The following MYO16 variants were observed in gnomAD, a reference collection of about 807,000 sequenced individuals.
MYO16 encodes the protein myosin XVI.
In MYO16, 94 loss-of-function variants were observed where a neutral mutation model predicts 205.3. The ratio of observed to expected loss-of-function variants is 0.46; its 90% CI spans 0.39 to 0.54. The LOEUF is 0.54. Ranked by LOEUF, MYO16 falls within the 20% of genes least tolerant of loss-of-function variation. The pLI is 0.00. For synonymous variants in MYO16, 988 were observed against 954.0 expected, an observed-to-expected ratio of 1.04 and a Z score of -0.66; for missense variants, 2,315 against 2,387.5, an observed-to-expected ratio of 0.97 and a Z score of 0.63.
chr13:109,138,045 G>C (rs1594116477), intron 31 of MYO16, among the ~76,000 whole-genome samples: 1 of 152,296 alleles, frequency 6.6e-6, no homozygotes, highest in East Asian at 1.9e-4. Context: ...CTTTATTCAT[G>C]AATTTATCTC....
At chr13:108,959,372 T>C (rs1272979881) in intron 17 of MYO16, among the ~76,000 whole-genome samples, 2 of 152,186 alleles carry the variant, frequency 1.3e-5, no homozygotes, top group Non-Finnish European at 2.9e-5. Context: ...GCTAGAGATA[T>C]GGATAGAAAC....
chr13:109,145,577 T>C (rs187512127), intron 32 of MYO16, among the ~76,000 whole-genome samples: 180 of 152,354 alleles, frequency 1.2e-3, no homozygotes, highest in African/African-American at 4.0e-3. Context: ...TAATTGTCTG[T>C]TCCATTCTAG....
upstream of MYO16, among the ~76,000 whole-genome samples, chr13:108,626,794 A>G: frequency 6.6e-6 from 1 of 151,334 alleles, no homozygotes; most frequent in Non-Finnish European, 1.5e-5. Flanking sequence ...GACAGAGAGA[A>G]ACTCCATCTC....
intron 16 of MYO16, among the ~76,000 whole-genome samples, chr13:108,917,309 C>T (rs534930073): frequency 4.4e-4 from 67 of 152,230 alleles, no homozygotes; most frequent in African/African-American, 1.4e-3. Context: ...TTGGCTCCTG[C>T]GTAGGGATGG....
At chr13:109,139,577 A>T (rs557518821) in intron 31 of MYO16, among the ~76,000 whole-genome samples, 4 of 152,334 alleles carry the variant, frequency 2.6e-5, no homozygotes, top group Admixed American at 2.0e-4. Context: ...AAGTGGCTTT[A>T]TTCGGCCGGG....
At chr13:108,627,310 G>A (rs1879781042), upstream of MYO16, among the ~76,000 whole-genome samples, 1 of 152,114 alleles carries the variant, frequency 6.6e-6, no homozygotes, top group Non-Finnish European at 1.5e-5. Flanking sequence ...TGTAGATACA[G>A]TTTATACATA....
At chr13:108,871,031 T>C (rs1879025626) in intron 12 of MYO16, among the ~76,000 whole-genome samples, 1 of 152,154 alleles carries the variant, frequency 6.6e-6, no homozygotes, top group South Asian at 2.1e-4. Flanking sequence ...ACCGAATTAA[T>C]CTTCGTTTTC....
At chr13:109,023,704 T>TATATATACATATATTTGTATATATGC (rs1566468397) in intron 23 of MYO16, among the ~76,000 whole-genome samples, 2 of 104,378 alleles carry the variant, frequency 1.9e-5, no homozygotes, top group Non-Finnish European at 3.9e-5. Flanking sequence ...TGTATATATG[T>TATATATACATATATTTGTATATATGC]ATATATACAA....
intron 5 of MYO16, among the ~76,000 whole-genome samples, chr13:108,789,851 G>A (rs556381865): frequency 1.3e-5 from 2 of 152,130 alleles, no homozygotes; most frequent in East Asian, 3.9e-4. Context: ...GATGTTTTAT[G>A]TATGACCAAA....
intron 4 of MYO16, among the ~76,000 whole-genome samples, chr13:108,730,557 C>T (rs926066310): frequency 3.9e-5 from 6 of 152,042 alleles, no homozygotes; most frequent in East Asian, 1.9e-4. Context: ...TGGTATCTGG[C>T]GTAACAACAT....
intron 4 of MYO16, among the ~76,000 whole-genome samples, chr13:108,761,190 C>A (rs967917903): frequency 2.6e-5 from 4 of 152,150 alleles, no homozygotes; most frequent in African/African-American, 9.7e-5. Flanking sequence ...ACAGACTGTG[C>A]CTAGAACTTG....
chr13:108,759,672 T>A (rs1445635210), intron 4 of MYO16, among the ~76,000 whole-genome samples: 1 of 151,604 alleles, frequency 6.6e-6, no homozygotes, highest in Non-Finnish European at 1.5e-5. Context: ...ATACAAAAAA[T>A]TAGCCAGGCG....
At chr13:108,870,617 A>T (rs906074388) in intron 12 of MYO16, among the ~76,000 whole-genome samples, 104 of 86,788 alleles carry the variant, frequency 1.2e-3, no homozygotes, top group African/African-American at 4.0e-3. Context: ...TTGCATTTTT[A>T]AAAAATTATG....
chr13:108,662,408 A>G (rs1186253671), intron 1 of MYO16, among the ~76,000 whole-genome samples: 2 of 152,124 alleles, frequency 1.3e-5, no homozygotes, highest in African/African-American at 2.4e-5. Context: ...TTAAGTGGGA[A>G]CAAGGCTAGG....
chr13:108,936,746 G>A (rs1882509045), intron 16 of MYO16, among the ~76,000 whole-genome samples: 1 of 152,112 alleles, frequency 6.6e-6, no homozygotes, highest in South Asian at 2.1e-4. Context: ...ATCTCTTAAA[G>A]ACAGTAGTTG....
At chr13:108,816,090 T>C (rs1875582896) in intron 7 of MYO16, among the ~76,000 whole-genome samples, 1 of 152,084 alleles carries the variant, frequency 6.6e-6, no homozygotes, top group African/African-American at 2.4e-5. Flanking sequence ...AAACAAATGG[T>C]GCTGGACCGT....
upstream of MYO16, among the ~76,000 whole-genome samples, chr13:108,591,670 A>C (rs74117263): frequency 0.027 from 4,063 of 152,286 alleles, 172 homozygotes; most frequent in African/African-American, 0.091. Flanking sequence ...TGGGGTTTTA[A>C]TGTTGTTGAG....
At chr13:108,523,452 T>C in the MYO16 span, among the ~76,000 whole-genome samples, 1 of 152,330 alleles carries the variant, frequency 6.6e-6, no homozygotes, top group Non-Finnish European at 1.5e-5. Flanking sequence ...CTTCCCTTTA[T>C]CATGCTTCCT....
intron 28 of MYO16, among the ~76,000 whole-genome samples, chr13:109,118,694 C>T (rs946604806): frequency 6.6e-6 from 1 of 152,150 alleles, no homozygotes; most frequent in African/African-American, 2.4e-5. Context: ...TTTCCAATGC[C>T]TGTCTCACAG....
Sources: allele counts gnomAD v4.1 joint callset (sites outside exome capture counted in the v4.1 genomes callset), GRCh38; gene constraint gnomAD v4.1.1; transcripts MANE v1.5; gene names NCBI Gene and HGNC (gene_info 2026-07-23, HGNC 2026-07-21).